PARD3: variants seen among roughly 807,000 people sequenced by gnomAD.
PARD3 encodes par-3 family cell polarity regulator, also known as partitioning defective 3 homolog.
In PARD3, 75 loss-of-function variants were observed where a neutral mutation model predicts 155.4. That is an observed-to-expected ratio of 0.48 (90% CI 0.40 to 0.58). The LOEUF (loss-of-function observed/expected upper bound fraction) is 0.58, where lower values mean the gene tolerates loss of function less well. Ranked by LOEUF, PARD3 falls within the 20% of genes least tolerant of loss-of-function variation. The pLI, the probability that PARD3 is intolerant of heterozygous loss-of-function variation, is 0.00. For synonymous variants in PARD3, 576 were observed against 610.5 expected (o/e 0.94, Z 0.83); for missense variants, 1,642 against 1,721.7 (o/e 0.95, Z 0.82).
intron 1 of PARD3, among the ~76,000 whole-genome samples, chr10:34,737,629 T>A (rs1331860350): frequency 6.6e-6 from 1 of 152,096 alleles, no homozygotes; most frequent in Non-Finnish European, 1.5e-5. Flanking sequence ...AGATTAGCCT[T>A]AGAAAAGGGC....
At chr10:34,429,743 G>A (rs1159235881) in intron 5 of PARD3, among the ~76,000 whole-genome samples, 2 of 152,012 alleles carry the variant, frequency 1.3e-5, no homozygotes, top group African/African-American at 4.8e-5. Flanking sequence ...CCATCAACAT[G>A]CCCAGCTAAT....
intron 3 of PARD3, among the ~76,000 whole-genome samples, chr10:34,508,122 C>A (rs1052272758): frequency 2.0e-5 from 3 of 152,032 alleles, no homozygotes; most frequent in Admixed American, 2.0e-4. Flanking sequence ...TAGGTACAAG[C>A]TTTCTATAAC....
intron 22 of PARD3, among the ~76,000 whole-genome samples, chr10:34,160,061 A>C (rs1031103946): frequency 6.6e-6 from 1 of 152,216 alleles, no homozygotes; most frequent in Non-Finnish European, 1.5e-5. Context: ...GAATATTATC[A>C]AAAGAGACTA....
intron 2 of PARD3, among the ~76,000 whole-genome samples, chr10:34,610,781 AC>A (rs780088589): frequency 4.5e-4 from 68 of 152,302 alleles, no homozygotes; most frequent in Non-Finnish European, 8.4e-4. Flanking sequence ...TAGTAGGTAT[AC>A]TCTAAGTTTT....
At chr10:34,715,569 GA>G (rs1317029810) in intron 1 of PARD3, among the ~76,000 whole-genome samples, 1 of 152,140 alleles carries the variant, frequency 6.6e-6, no homozygotes, top group Admixed American at 6.5e-5. Flanking sequence ...GTTCCTGGCT[GA>G]AATGTATCTC....
At chr10:34,495,130 T>C (rs2080184037) in intron 3 of PARD3, among the ~76,000 whole-genome samples, 1 of 151,574 alleles carries the variant, frequency 6.6e-6, no homozygotes, top group South Asian at 2.1e-4. Flanking sequence ...CTCATTGAGA[T>C]ACCATTGCTT....
intron 24 of PARD3, among the ~76,000 whole-genome samples, chr10:34,112,211 G>C (rs571860961): frequency 6.6e-6 from 1 of 152,154 alleles, no homozygotes. Context: ...CGGAGAGTCC[G>C]GAAGTCTGTA....
intron 22 of PARD3, among the ~76,000 whole-genome samples, chr10:34,187,555 G>A (rs589369): frequency 6.6e-6 from 1 of 152,170 alleles, no homozygotes; most frequent in East Asian, 1.9e-4. Context: ...CAAATTCCAT[G>A]CTAGAAAGCC....
intron 5 of PARD3, among the ~76,000 whole-genome samples, chr10:34,416,736 A>G (rs964546201): frequency 6.6e-6 from 1 of 152,226 alleles, no homozygotes; most frequent in Non-Finnish European, 1.5e-5. Context: ...GAGACTATGA[A>G]CAAATAGAGG....
chr10:34,198,455 TG>T (rs1951053135), intron 22 of PARD3, among the ~76,000 whole-genome samples: 2 of 35,418 alleles, frequency 5.6e-5, no homozygotes, highest in Admixed American at 4.0e-4. Context: ...CACTAATTGG[TG>T]TGTGTGTGTG....
At chr10:34,426,006 AT>A (rs1286145009) in intron 5 of PARD3, among the ~76,000 whole-genome samples, 14 of 152,240 alleles carry the variant, frequency 9.2e-5, no homozygotes, top group South Asian at 2.1e-4. Context: ...ACAGAGTTGA[AT>A]TTTTTTTAAT....
chr10:34,313,496 C>G (rs1054444499), intron 20 of PARD3, among the ~76,000 whole-genome samples: 2 of 152,148 alleles, frequency 1.3e-5, no homozygotes, highest in Admixed American at 6.5e-5. Context: ...AATTTATAAA[C>G]AGAAGAGTGA....
intron 3 of PARD3, among the ~76,000 whole-genome samples, chr10:34,478,067 T>G (rs563822703): frequency 6.6e-6 from 1 of 152,216 alleles, no homozygotes; most frequent in African/African-American, 2.4e-5. Flanking sequence ...TGGAAGAAAT[T>G]TGTGGAAGGC....
chr10:34,415,226 A>G (rs1845550938), intron 5 of PARD3, among the ~76,000 whole-genome samples: 1 of 152,124 alleles, frequency 6.6e-6, no homozygotes, highest in East Asian at 1.9e-4. Context: ...GTGTTTGTTG[A>G]TACCTGTTGC....
chr10:34,459,451 G>A (rs1321945544), intron 4 of PARD3, among the ~76,000 whole-genome samples: 2 of 152,116 alleles, frequency 1.3e-5, no homozygotes, highest in African/African-American at 4.8e-5. Context: ...GATTACAGGC[G>A]TGAGCCACCA....
chr10:34,749,255 TA>T (rs1480380623), intron 1 of PARD3, among the ~76,000 whole-genome samples: 1 of 152,244 alleles, frequency 6.6e-6, no homozygotes, highest in Non-Finnish European at 1.5e-5. Context: ...AGATGCTTCC[TA>T]ACACCATGAT....
At chr10:34,682,410 A>T (rs2093859950) in intron 2 of PARD3, among the ~76,000 whole-genome samples, 1 of 152,098 alleles carries the variant, frequency 6.6e-6, no homozygotes, top group Admixed American at 6.5e-5. Flanking sequence ...AAAATAAACA[A>T]TGTATTTCTT....
chr10:34,264,988 C>T (rs1162701833), intron 22 of PARD3, among the ~76,000 whole-genome samples: 2 of 152,150 alleles, frequency 1.3e-5, no homozygotes, highest in Non-Finnish European at 2.9e-5. Flanking sequence ...GGGCTTCAAG[C>T]AATCCTCTTG....
At chr10:34,353,380 C>T (rs551487000) in intron 14 of PARD3, among the ~76,000 whole-genome samples, 1 of 152,178 alleles carries the variant, frequency 6.6e-6, no homozygotes, top group Non-Finnish European at 1.5e-5. Context: ...AAGAAAAATT[C>T]TTCTGCCTTG....
Sources: gnomAD v4.1 joint callset for allele counts (sites outside exome capture counted in the v4.1 genomes callset) on GRCh38, gnomAD v4.1.1 for gene constraint, MANE v1.5 for transcripts, NCBI Gene and HGNC (gene_info 2026-07-23, HGNC 2026-07-21) for gene names.